BRD7: variants seen among roughly 807,000 people sequenced by gnomAD.
BRD7 encodes the protein bromodomain containing 7, also known as bromodomain-containing protein 7.
A neutral mutation model predicts 82.1 loss-of-function variants in BRD7; 15 were observed. That is an observed-to-expected ratio of 0.18 (90% confidence interval 0.12 to 0.28). The LOEUF (loss-of-function observed/expected upper bound fraction) is 0.28, where lower values mean the gene tolerates loss of function less well. Among genes scored for constraint, BRD7 ranks in the 10% least tolerant of loss-of-function variants. BRD7 has a pLI of 1.00. For synonymous variants in BRD7, 232 were observed against 266.9 expected, an observed-to-expected ratio of 0.87 and a Z score of 1.27; for missense variants, 638 against 779.9, an observed-to-expected ratio of 0.82 and a Z score of 2.17.
rs1412966881 is a variant in BRD7 at position 50,334,865 on chromosome 16, C to T, written c.733G>A (p.Asp245Asn). 2 of 1,613,930 alleles carry T rather than the reference C, an allele frequency of 1.2e-6. No homozygotes were observed. The highest frequency in any genetic ancestry group is 1.3e-5 in the African/African-American group (1 of 74,916). Residue 245 changes from aspartate to asparagine, a missense_variant, in exon 7 of 17, where the codon GAC becomes AAC. Around this residue, in one of 3 missense-constraint regions of BRD7, gnomAD observed 402 missense variants for 500.8 expected, o/e 0.80. Coordinates refer to ENST00000394688, the MANE Select transcript of BRD7 (RefSeq NM_013263.5). Reference sequence around the variant, plus strand: ...GTTTTCTGCAAGTCAGCCATGAAGTCTATGCTCTGCTTCAGGCTCTGAATT... The same window carrying T: ...GTTTTCTGCAAGTCAGCCATGAAGTTTATGCTCTGCTTCAGGCTCTGAATT... ...ERIQSLKQSI[D>N]FMADLQKTRK...
chr16:50,339,637 C>T (rs111757579), intron 6 of BRD7, among the ~76,000 whole-genome samples: 35 of 152,288 alleles, frequency 2.3e-4, no homozygotes, highest in African/African-American at 5.1e-4. Context: ...TCCACCCCTA[C>T]AAATGCAAAC....
At chr16:50,327,258 T>A (rs1476405839) in intron 9 of BRD7, among the ~76,000 whole-genome samples, 1 of 152,142 alleles carries the variant, frequency 6.6e-6, no homozygotes, top group Non-Finnish European at 1.5e-5. Flanking sequence ...CCAAGTCAGC[T>A]TTGGCCACAT....
chr16:50,329,022 T>C (rs1455906424), intron 8 of BRD7, among the ~76,000 whole-genome samples: 2 of 152,180 alleles, frequency 1.3e-5, no homozygotes, highest in African/African-American at 2.4e-5. Flanking sequence ...TCCACTTATG[T>C]CATCATGTCG....
chr16:50,320,831 A>C, intron 13 of BRD7, 57 bp from the exon 14 acceptor site: 1 of 1,189,992 alleles, frequency 8.4e-7, no homozygotes, highest in Non-Finnish European at 1.3e-6. Context: ...CAGCAGTGTT[A>C]ACTAGAAATT....
intron 2 of BRD7, among the ~76,000 whole-genome samples, chr16:50,366,692 G>A: frequency 6.6e-6 from 1 of 152,142 alleles, no homozygotes; most frequent in Non-Finnish European, 1.5e-5. Flanking sequence ...GAAATAAGTA[G>A]GCAAGGAAAA....
intron 2 of BRD7, among the ~76,000 whole-genome samples, chr16:50,359,572 C>A (rs2151203921): frequency 6.6e-6 from 1 of 152,220 alleles, no homozygotes; most frequent in African/African-American, 2.4e-5. Flanking sequence ...TTAAATAACT[C>A]ATTCAAAAAA....
In BRD7 at chr16:50,334,743, G is replaced by A. The variant is rs967734580; in HGVS notation, c.855C>T (p.His285=). ...EREDSGDAEA[H]AFKSPSKENK... is the part of the protein sequence containing the mutation. ...TTTCTTTGCTGGGACTCTTGAAGGC[G>A]TGTGCTTCGGCATCTCCAGAGTCCT... The change falls in exon 7 of 17, where the codon CAC becomes CAT. Residue 285 remains histidine, a synonymous_variant. Transcript: ENST00000394688. The A allele has an allele frequency of 8.7e-6, 14 of 1,613,742 alleles. No homozygotes were observed. The highest frequency in any genetic ancestry group is 2.2e-5 in the East Asian group (1 of 44,882).
chr16:50,323,536 T>C (rs780329565), intron 12 of BRD7, 51 bp downstream of exon 12: 50 of 1,329,140 alleles, frequency 3.8e-5, no homozygotes, highest in Non-Finnish European at 5.1e-5. Context: ...GAATGACTAA[T>C]GCTTGAGAGT....
chr16:50,320,071 C>A, intron 15 of BRD7, 41 bp from the exon 16 acceptor site: 1 of 1,575,548 alleles, frequency 6.3e-7, no homozygotes. Context: ...AAGCATGGTT[C>A]CTTTAGATAG....
rs59889907 is a variant in BRD7, at chr16:50,318,400, GCTATCTAT to G, written c.*803_*810del. ...AAACTTAATTTGTTCACTGAACAAG[GCTATCTAT>G]CTATCTATCTCCATCCTGATTTTTT... On this transcript the variant is annotated 3_prime_UTR_variant, in exon 17 of 17. Transcript: ENST00000394688. 1.3e-5 allele frequency: 2 copies of G among 151,358 alleles called. No individual in the cohort carries two copies. Among genetic ancestry groups the G allele is most frequent in the East Asian group, 1.9e-4 (1 of 5,146 alleles). 9.4% of individuals were successfully genotyped at this position (151,358 alleles called of 1,614,324 possible). A position where few individuals can be genotyped will look rare whatever the true frequency, so the allele number is the denominator to read the frequency against.
At chr16:50,368,659 T>C in intron 1 of BRD7, 67 bp downstream of exon 1, 1 of 1,434,748 alleles carries the variant, frequency 7.0e-7, no homozygotes, top group Non-Finnish European at 9.3e-7. Flanking sequence ...CCGGAGCCAC[T>C]GGGAAAGAGC....
At chr16:50,338,968 G>A (rs947590664) in intron 6 of BRD7, among the ~76,000 whole-genome samples, 4 of 152,168 alleles carry the variant, frequency 2.6e-5, no homozygotes, top group African/African-American at 4.8e-5. Flanking sequence ...CTTATCTTGC[G>A]AGTTATTTTC....
At position 50,334,859 on chromosome 16, in the gene BRD7, T is replaced by C. The variant is rs370294861; in HGVS notation, c.739A>G (p.Met247Val). 6.2e-7 allele frequency: 1 copy of C among 1,614,200 alleles called. No homozygotes were observed. Among genetic ancestry groups the C allele is most frequent in the South Asian group, 1.1e-5 (1 of 91,088 alleles). Reference sequence around the variant, plus strand: ...TTTCGAGTTTTCTGCAAGTCAGCCATGAAGTCTATGCTCTGCTTCAGGCTC... The same window carrying C: ...TTTCGAGTTTTCTGCAAGTCAGCCACGAAGTCTATGCTCTGCTTCAGGCTC... Reference protein sequence around the residue: ...IQSLKQSIDFMADLQKTRKQK... With the variant: ...IQSLKQSIDFVADLQKTRKQK... The change falls in exon 7 of 17, where the codon ATG becomes GTG. Residue 247 changes from methionine (M) to valine (V), a missense_variant. Physicochemically the swap from Met to Val is conservative, Grantham distance 21. Around this residue, in one of 3 missense-constraint regions of BRD7, gnomAD observed 402 missense variants for 500.8 expected, o/e 0.80. Transcript: ENST00000394688.
intron 5 of BRD7, among the ~76,000 whole-genome samples, chr16:50,348,242 C>T (rs1051422705): frequency 4.6e-5 from 7 of 152,180 alleles, no homozygotes; most frequent in African/African-American, 1.4e-4. Flanking sequence ...CTTCCTTACA[C>T]CTTATACAAA....
At chr16:50,339,869 C>T (rs1441781560) in intron 6 of BRD7, 107 bp downstream of exon 6, 6 of 490,682 alleles carry the variant, frequency 1.2e-5, no homozygotes, top group South Asian at 1.1e-4. Context: ...ATAATATAAC[C>T]TGCTAATAAA....
At chr16:50,351,066 A>G (rs1395729268) in intron 4 of BRD7, among the ~76,000 whole-genome samples, 1 of 152,262 alleles carries the variant, frequency 6.6e-6, no homozygotes, top group Non-Finnish European at 1.5e-5. Flanking sequence ...TGGCACACCA[A>G]AAGTTTTCTT....
rs896327649 is a variant in BRD7 at position 50,341,658 on chromosome 16, A to T, written c.592-1572T>A. On this transcript the variant is annotated intron_variant, in intron 5 of 16. Coordinates refer to ENST00000394688, the MANE Select transcript of BRD7 (RefSeq NM_013263.5). The stretch of plus-strand genomic sequence containing the variant: ...ACTCGGTCTCAAAAAAAAAAAAAAA[A>T]AATTAAATATGTATTTGGGGGGATG... Among the ~76,000 whole-genome samples the T allele has an allele frequency of 5.3e-5, 8 of 151,116 alleles. 1 individual carries two copies. The highest frequency in any genetic ancestry group is 1.9e-4 in the African/African-American group (8 of 41,058).
intron 13 of BRD7, 80 bp from the exon 14 acceptor site, chr16:50,320,854 T>C: frequency 3.2e-6 from 3 of 946,892 alleles, no homozygotes; most frequent in Non-Finnish European, 5.1e-6. Context: ...TCAGATGGCA[T>C]GTATTTACAG....
intron 12 of BRD7, 52 bp from the exon 13 acceptor site, chr16:50,322,090 T>G: frequency 1.4e-6 from 2 of 1,415,648 alleles, no homozygotes; most frequent in Non-Finnish European, 1.9e-6. Flanking sequence ...AAGGCGAATA[T>G]CAAGGAAAAG....
Sources: gnomAD v4.1 joint callset for allele counts (sites outside exome capture counted in the v4.1 genomes callset) on GRCh38, gnomAD v4.1.1 for gene constraint, gnomAD v4.1.1 regional missense constraint, MANE v1.5 for transcripts, NCBI Gene and HGNC (gene_info 2026-07-23, HGNC 2026-07-21) for gene names.